The following PCDHA6 variants were observed in gnomAD, a reference collection of about 807,000 sequenced individuals.
PCDHA6 encodes protocadherin alpha-6.
Under a neutral mutation model 60.3 loss-of-function variants are expected in PCDHA6, and 55 were observed. The ratio of observed to expected loss-of-function variants is 0.91; its 90% CI spans 0.73 to 1.14. The LOEUF (loss-of-function observed/expected upper bound fraction) is 1.14, where lower values mean the gene tolerates loss of function less well. PCDHA6 is among the 50% of genes most tolerant of loss of function. The pLI is 0.00. For synonymous variants in PCDHA6, 652 were observed against 557.9 expected, an observed-to-expected ratio of 1.17 and a Z score of -2.38; for missense variants, 1,327 against 1,256.5, an observed-to-expected ratio of 1.06 and a Z score of -0.85.
chr5:140,878,802 A>T (rs2057733011), intron 1 of PCDHA6, among the ~76,000 whole-genome samples: 1 of 152,224 alleles, frequency 6.6e-6, no homozygotes, highest in Non-Finnish European at 1.5e-5. Context: ...TTTTAAAAAC[A>T]TATGGGGGTC....
At position 140,849,549 on chromosome 5, in the gene PCDHA6, A is replaced by G. The variant is rs2150440230; in HGVS notation, c.2394+19064A>G. ...AAATGACAATGCTCCACAGTTGACT[A>G]TCAAAACGCTCTCGGTTCCTGTAAA... On this transcript the variant is annotated intron_variant, in intron 1 of 3. Transcript: ENST00000529310. 5 of 1,598,378 alleles carry G rather than the reference A, an allele frequency of 3.1e-6. 1 individual carries two copies. The South Asian group carries it at 3.3e-5, about 11-fold the overall frequency.
chr5:140,923,959 C>A (rs2153570659), intron 1 of PCDHA6, among the ~76,000 whole-genome samples: 1 of 152,348 alleles, frequency 6.6e-6, no homozygotes, highest in Non-Finnish European at 1.5e-5. Context: ...ACGCCCTAAT[C>A]TATACCCACA....
chr5:140,874,465 T>C (rs1554167224), intron 1 of PCDHA6, among the ~76,000 whole-genome samples: 1 of 152,184 alleles, frequency 6.6e-6, no homozygotes. Flanking sequence ...TAGGGGAAGA[T>C]TTAGAGAAAA....
intron 1 of PCDHA6, among the ~76,000 whole-genome samples, chr5:140,897,713 A>C (rs2066278692): frequency 1.3e-5 from 2 of 152,302 alleles, no homozygotes; most frequent in East Asian, 3.9e-4. Flanking sequence ...CAGTAATGGG[A>C]TGGCTGGGTC....
At chr5:140,863,423 T>A (rs1334887353) in intron 1 of PCDHA6, 2 of 677,498 alleles carry the variant, frequency 3.0e-6, no homozygotes, top group Non-Finnish European at 5.2e-6. Flanking sequence ...TACCGCAGCG[T>A]AGTGGGATCT....
chr5:140,978,787 C>G (rs1164015518), intron 1 of PCDHA6, 162 bp from the exon 2 acceptor site: 2 of 972,388 alleles, frequency 2.1e-6, no homozygotes, highest in Non-Finnish European at 2.4e-6. Context: ...TTCTAAAGTG[C>G]TATATATGTA....
intron 1 of PCDHA6, among the ~76,000 whole-genome samples, chr5:140,924,551 AT>A (rs2153572839): frequency 6.6e-6 from 1 of 152,240 alleles, no homozygotes; most frequent in African/African-American, 2.4e-5. Context: ...TCTCCCCACC[AT>A]TTTAATCAGC....
chr5:140,977,484 G>A (rs2096763384), intron 1 of PCDHA6, among the ~76,000 whole-genome samples: 1 of 152,220 alleles, frequency 6.6e-6, no homozygotes. Flanking sequence ...TTTATGCTAT[G>A]TTATATGGAA....
intron 3 of PCDHA6, among the ~76,000 whole-genome samples, chr5:140,999,039 T>C (rs1554256567): frequency 6.6e-6 from 1 of 152,214 alleles, no homozygotes; most frequent in Admixed American, 6.5e-5. Flanking sequence ...CTTCGTCCAG[T>C]GTGCTTTCCA....
chr5:140,928,106 G>GGGA lies in PCDHA6; in HGVS notation c.2395-50841_2395-50839dup, dbSNP rs2084940814. The stretch of plus-strand genomic sequence containing the variant: ...CTGCTGATTGATGGGCCCCTGGACC[G>GGGA]GGAGCAGATCAGTGAATACCAAGTC... On this transcript the variant is annotated intron_variant, in intron 1 of 3. Coordinates refer to ENST00000529310, the MANE Select transcript of PCDHA6 (RefSeq NM_018909.4). The GGGA allele has an allele frequency of 1.9e-6, 3 of 1,614,032 alleles. No individual in the cohort carries two copies. In the South Asian group the frequency reaches 3.3e-5, roughly 18 times the overall value.
intron 1 of PCDHA6, chr5:140,856,082 T>C (rs781798552): frequency 6.9e-6 from 11 of 1,594,900 alleles, no homozygotes; most frequent in Non-Finnish European, 8.6e-6. Context: ...GGGGGTCCAG[T>C]GTCTGCTGCT....
chr5:140,836,492 C>T lies in PCDHA6; in HGVS notation c.2394+6007C>T, dbSNP rs2150262015. On this transcript the variant is annotated intron_variant, in intron 1 of 3. Coordinates refer to ENST00000529310, the MANE Select transcript of PCDHA6 (RefSeq NM_018909.4). ...ATGTCAACGTGTACCTGATCATCGC[C>T]ATCTGCGCGGTGTCCAGTCTGTTGG... 13 of 1,613,758 alleles carry T rather than the reference C, an allele frequency of 8.1e-6. No individual in the cohort carries two copies. The South Asian group carries it at 8.8e-5, about 11-fold the overall frequency.
intron 1 of PCDHA6, among the ~76,000 whole-genome samples, chr5:140,973,810 T>C (rs1179978402): frequency 6.6e-6 from 1 of 152,230 alleles, no homozygotes; most frequent in Non-Finnish European, 1.5e-5. Context: ...CTTGACAGAA[T>C]AGCAAAGTCA....
intron 1 of PCDHA6, chr5:140,966,746 C>T: frequency 1.4e-6 from 2 of 1,425,932 alleles, no homozygotes; most frequent in Non-Finnish European, 1.8e-6. Context: ...TGCCCGGCTG[C>T]CTCCGCCGCG....
intron 1 of PCDHA6, among the ~76,000 whole-genome samples, chr5:140,953,932 C>G (rs1005245846): frequency 1.2e-4 from 19 of 152,060 alleles, no homozygotes; most frequent in Non-Finnish European, 5.9e-5. Flanking sequence ...CTGATGCTCT[C>G]CCTCCCATTG....
intron 3 of PCDHA6, among the ~76,000 whole-genome samples, chr5:140,998,370 G>A (rs1321470929): frequency 2.6e-5 from 4 of 152,106 alleles, no homozygotes; most frequent in Admixed American, 1.3e-4. Flanking sequence ...TGCACACACC[G>A]TCTCTAGAAA....
At chr5:140,857,471 A>T (rs2044616338) in intron 1 of PCDHA6, 1 of 1,598,536 alleles carries the variant, frequency 6.3e-7, no homozygotes, top group Non-Finnish European at 8.6e-7. Context: ...CCACATCTTC[A>T]CGGTGTCTGC....
chr5:140,967,779 C>G, intron 1 of PCDHA6: 1 of 1,614,222 alleles, frequency 6.2e-7, no homozygotes, highest in Non-Finnish European at 8.5e-7. Flanking sequence ...GTGCAGGCGA[C>G]TGACCGGGGT....
At chr5:140,917,335 G>GGGGGGGGGGT in intron 1 of PCDHA6, among the ~76,000 whole-genome samples, 2 of 146,518 alleles carry the variant, frequency 1.4e-5, no homozygotes, top group Non-Finnish European at 3.1e-5. Flanking sequence ...GGGGGAGGGG[G>GGGGGGGGGGT]GGGATGGTGT....
Sources: gnomAD v4.1 joint callset for allele counts (sites outside exome capture counted in the v4.1 genomes callset) on GRCh38, gnomAD v4.1.1 for gene constraint, MANE v1.5 for transcripts, NCBI Gene and HGNC (gene_info 2026-07-23, HGNC 2026-07-21) for gene names.